FAM107B: variants seen among roughly 807,000 people sequenced by gnomAD.
FAM107B encodes family with sequence similarity 107 member B.
A neutral mutation model predicts 31.5 loss-of-function variants in FAM107B; 21 were observed. The ratio of observed to expected loss-of-function variants is 0.67; its 90% CI spans 0.47 to 0.96. FAM107B has a LOEUF of 0.96. Ranked by LOEUF, FAM107B falls within the 40% of genes least tolerant of loss-of-function variation. FAM107B has a pLI of 0.00. For missense variants in FAM107B, 452 were observed against 377.1 expected, an observed-to-expected ratio of 1.20 and a Z score of -1.64; for synonymous variants, 157 against 141.5, an observed-to-expected ratio of 1.11 and a Z score of -0.78.
intron 2 of FAM107B, among the ~76,000 whole-genome samples, chr10:14,565,811 A>G (rs1850617230): frequency 6.6e-6 from 1 of 152,140 alleles, no homozygotes. Flanking sequence ...GAGCGAGAGA[A>G]GGAAACCCAG....
intron 1 of FAM107B, among the ~76,000 whole-genome samples, 153 bp downstream of exon 1, chr10:14,774,100 C>T (rs1019659884): frequency 4.6e-5 from 7 of 152,156 alleles, no homozygotes; most frequent in East Asian, 1.9e-4. Flanking sequence ...AGAATCTACA[C>T]GGCTTTAACA....
At chr10:14,674,118 T>C (rs1239736202) in intron 1 of FAM107B, among the ~76,000 whole-genome samples, 1 of 152,176 alleles carries the variant, frequency 6.6e-6, no homozygotes, top group Non-Finnish European at 1.5e-5. Context: ...ATCAAAGACT[T>C]AAACGTAAGA....
intron 2 of FAM107B, among the ~76,000 whole-genome samples, chr10:14,643,450 C>T (rs1253085267): frequency 6.6e-6 from 1 of 150,508 alleles, no homozygotes; most frequent in African/African-American, 2.4e-5. Context: ...GATGCTGTCA[C>T]CCAGGCTGGA....
intron 3 of FAM107B, chr10:14,528,118 T>G: frequency 3.7e-6 from 1 of 268,668 alleles, no homozygotes. Flanking sequence ...TGTGACTAAG[T>G]GATCACTTAT....
intron 2 of FAM107B, among the ~76,000 whole-genome samples, chr10:14,574,854 A>G (rs908828202): frequency 6.6e-6 from 1 of 152,198 alleles, no homozygotes; most frequent in Non-Finnish European, 1.5e-5. Context: ...TAATTCGTGT[A>G]TAATTGGCCA....
chr10:14,697,111 G>A (rs1367754160), intron 1 of FAM107B, among the ~76,000 whole-genome samples: 1 of 152,218 alleles, frequency 6.6e-6, no homozygotes, highest in Non-Finnish European at 1.5e-5. Context: ...CTCAAAGCTT[G>A]GATGGGGAGC....
At chr10:14,623,492 T>C (rs1364427408) in intron 2 of FAM107B, among the ~76,000 whole-genome samples, 1 of 152,148 alleles carries the variant, frequency 6.6e-6, no homozygotes, top group East Asian at 1.9e-4. Flanking sequence ...AGCACACATA[T>C]TCAGAGGAGG....
intron 2 of FAM107B, among the ~76,000 whole-genome samples, chr10:14,587,392 A>G (rs1482925857): frequency 2.0e-5 from 3 of 152,202 alleles, no homozygotes; most frequent in African/African-American, 2.4e-5. Flanking sequence ...TATTTATCCA[A>G]TCGCGGGAAG....
Position 14,523,665 on chromosome 10 carries a change from G to A in FAM107B, c.654-1646C>T, listed in dbSNP as rs1309462676. ...TAACAATTTCCAATATATGTGCTCC[G>A]GCCAGAGAAATTCAACAGCACACTC... On this transcript the variant is annotated intron_variant, in intron 3 of 4. Coordinates refer to ENST00000181796, the MANE Select transcript of FAM107B (RefSeq NM_031453.4). Among the ~76,000 whole-genome samples the A allele has an allele frequency of 4.6e-5, 7 of 152,116 alleles. No individual in the cohort carries two copies. The East Asian group carries it at 5.8e-4, about 13-fold the overall frequency.
At chr10:14,638,941 A>C (rs745630804) in intron 2 of FAM107B, among the ~76,000 whole-genome samples, 2 of 152,112 alleles carry the variant, frequency 1.3e-5, no homozygotes, top group Non-Finnish European at 2.9e-5. Flanking sequence ...CTGTAATCTC[A>C]ACACTTTGGG....
intron 1 of FAM107B, among the ~76,000 whole-genome samples, chr10:14,735,814 G>C (rs1053637411): frequency 1.9e-4 from 29 of 152,052 alleles, no homozygotes; most frequent in African/African-American, 6.5e-4. Context: ...TCTACACTCC[G>C]TCTCTAGGAA....
rs1489437648 is a variant in FAM107B at position 14,604,183 on chromosome 10, C to T, written c.469+63451G>A. 3.1e-6 allele frequency: 3 copies of T among 975,582 alleles called. No homozygotes were observed. The East Asian group carries it at 3.5e-4, about 113-fold the overall frequency. 60.4% of individuals were successfully genotyped at this position (975,582 alleles called of 1,614,324 possible). ...AGCCGGGGTCGGGCAGGGCCGCCGCCCGCCTCCCCGCGCCCCTCGTCTTTG... is the reference window on the plus strand; with the variant it reads ...AGCCGGGGTCGGGCAGGGCCGCCGCTCGCCTCCCCGCGCCCCTCGTCTTTG... On this transcript the variant is annotated intron_variant, in intron 2 of 4. Transcript: ENST00000181796.
rs191132992 is a variant in FAM107B at position 14,655,442 on chromosome 10, C to T, written c.469+12192G>A. On this transcript the variant is annotated intron_variant, in intron 2 of 4. Transcript: ENST00000181796. ...TATTTTGTTTTGTTTTGTTTTGTGA[C>T]GGAGTCTTGCTCTGTCGCCTAGGCT... Among the ~76,000 whole-genome samples, 808 of 152,208 alleles carry T rather than the reference C, an allele frequency of 5.3e-3. 6 individuals carry two copies. The highest frequency in any genetic ancestry group is 0.019 in the African/African-American group (771 of 41,524).
At chr10:14,699,079 C>T (rs1855334435) in intron 1 of FAM107B, among the ~76,000 whole-genome samples, 1 of 151,932 alleles carries the variant, frequency 6.6e-6, no homozygotes, top group Non-Finnish European at 1.5e-5. Context: ...ACACTGAAAA[C>T]AAAGAGACAG....
At chr10:14,769,299 T>C (rs749011260) in intron 1 of FAM107B, among the ~76,000 whole-genome samples, 29 of 152,348 alleles carry the variant, frequency 1.9e-4, no homozygotes, top group Non-Finnish European at 3.4e-4. Context: ...GCCCAGTTGC[T>C]AAACCAACCT....
intron 2 of FAM107B, among the ~76,000 whole-genome samples, chr10:14,592,949 C>T (rs1215871833): frequency 3.9e-5 from 6 of 152,188 alleles, no homozygotes; most frequent in African/African-American, 1.2e-4. Flanking sequence ...CAGCTCAAGT[C>T]GTGAGGATTT....
intron 2 of FAM107B, among the ~76,000 whole-genome samples, chr10:14,564,938 G>A (rs532351382): frequency 1.3e-5 from 2 of 152,256 alleles, no homozygotes; most frequent in East Asian, 3.9e-4. Context: ...AATTGGGCTG[G>A]GCTGGGCATG....
At chr10:14,738,667 C>G (rs923446796) in intron 1 of FAM107B, among the ~76,000 whole-genome samples, 1 of 152,122 alleles carries the variant, frequency 6.6e-6, no homozygotes, top group Non-Finnish European at 1.5e-5. Flanking sequence ...ACCTGTAGGC[C>G]TCGGGAAGGT....
chr10:14,770,975 TAAAAAA>T (rs56378196), intron 1 of FAM107B, among the ~76,000 whole-genome samples: 1,907 of 58,976 alleles, frequency 0.032, 32 homozygotes, highest in African/African-American at 0.083. Context: ...GAGGCTGAAC[TAAAAAA>T]AAAAAAAAAA....
Sources: allele counts gnomAD v4.1 joint callset (sites outside exome capture counted in the v4.1 genomes callset), GRCh38; gene constraint gnomAD v4.1.1; transcripts MANE v1.5; gene names NCBI Gene and HGNC (gene_info 2026-07-23, HGNC 2026-07-21).